ARHGAP45: variants seen among roughly 807,000 people sequenced by gnomAD.
ARHGAP45 encodes the protein Rho GTPase activating protein 45, also known as rho GTPase-activating protein 45.
In ARHGAP45, 56 loss-of-function variants were observed where a neutral mutation model predicts 116.1. That is an observed-to-expected ratio of 0.48 (90% CI 0.39 to 0.60). ARHGAP45 has a LOEUF of 0.60. Ranked by LOEUF, ARHGAP45 falls within the 20% of genes least tolerant of loss-of-function variation. The pLI is 0.00. For synonymous variants in ARHGAP45, 866 were observed against 701.7 expected (o/e 1.23, Z -3.70); for missense variants, 1,622 against 1,601.0 (o/e 1.01, Z -0.22).
At chr19:1,077,101 C>A (rs552288448) in intron 10 of ARHGAP45, 2 of 985,350 alleles carry the variant, frequency 2.0e-6, no homozygotes, top group South Asian at 9.4e-5. Context: ...GTGTGGCCCC[C>A]GAGCCCACAG....
In ARHGAP45 at chr19:1,074,683, G is replaced by A. The variant is rs1017764456; in HGVS notation, c.1063G>A (p.Val355Met). The change falls in exon 9 of 23, where the codon GTG (valine) becomes ATG (methionine). Residue 355 changes from valine (V) to methionine (M), a missense_variant. Coordinates refer to ENST00000313093, the MANE Select transcript of ARHGAP45 (RefSeq NM_012292.5). Reference sequence around the variant, plus strand: ...GGACCTGGAGTTCGGCCACAGCATGGTGCAGGCGGTGGGCACCTTGCAGAC... The same window carrying A: ...GGACCTGGAGTTCGGCCACAGCATGATGCAGGCGGTGGGCACCTTGCAGAC... ...EQDLEFGHSM[V>M]QAVGTLQTQT... 11 of 1,610,940 alleles carry A rather than the reference G, an allele frequency of 6.8e-6. No homozygotes were observed. In the African/African-American group the frequency reaches 1.1e-4, roughly 16 times the overall value.
At chr19:1,077,498 C>A in intron 10 of ARHGAP45, 1 of 995,844 alleles carries the variant, frequency 1.0e-6, no homozygotes, top group Non-Finnish European at 1.3e-6. Context: ...ATTCTAGTGC[C>A]TCAGCCTCCC....
rs778573750 is a variant in ARHGAP45, at chr19:1,068,745, G to C, written c.421+1G>C. 6.2e-7 allele frequency: 1 copy of C among 1,610,506 alleles called. No individual in the cohort carries two copies. The highest frequency in any genetic ancestry group is 1.1e-5 in the South Asian group (1 of 90,974). On this transcript the variant is annotated splice_donor_variant, in intron 2 of 22. Coordinates refer to ENST00000313093, the MANE Select transcript of ARHGAP45 (RefSeq NM_012292.5). LOFTEE classifies it high-confidence loss of function. The surrounding 1 kb of genome is among the most constrained non-coding windows in gnomAD (Gnocchi z 7.5). ...CTTAAGGAGTGTGTGTTGCGTGACG[G>C]TGAGAGCCACGGGGACACCGAGGCC...
Position 1,079,933 on chromosome 19 carries a change from G to C in ARHGAP45, c.1518G>C (p.Thr506=), listed in dbSNP as rs894894076. Residue 506 remains threonine (T), a synonymous_variant, in exon 13 of 23, where the codon ACG becomes ACC. Transcript: ENST00000313093. ...RQSDQTIKSA[T]ISYYQMMHMQ... is the part of the protein sequence containing the mutation. ...CTCTCCGGTGCCGCCCGCAGGCCAC[G>C]ATCTCCTACTACCAGATGATGCATA... 3 of 1,606,240 alleles carry C rather than the reference G, an allele frequency of 1.9e-6. No individual in the cohort carries two copies. Among genetic ancestry groups the C allele is most frequent in the East Asian group, 2.2e-5 (1 of 44,660 alleles).
At chr19:1,078,206 C>T (rs1253295769) in intron 11 of ARHGAP45, among the ~76,000 whole-genome samples, 161 bp downstream of exon 11, 1 of 149,918 alleles carries the variant, frequency 6.7e-6, no homozygotes, top group Admixed American at 6.6e-5. Context: ...TGCAGTGGCA[C>T]AGTCTCGGCT....
chr19:1,066,731 C>T, upstream of ARHGAP45: 1 of 154,926 alleles, frequency 6.5e-6, no homozygotes, highest in Non-Finnish European at 1.4e-5. Context: ...TCGACCTGAC[C>T]CACTTCACGG....
chr19:1,075,545 G>A (rs765616163), intron 10 of ARHGAP45, among the ~76,000 whole-genome samples: 8 of 151,986 alleles, frequency 5.3e-5, no homozygotes, highest in Non-Finnish European at 1.2e-4. Context: ...GCACCCACCC[G>A]GCCTCCTGCC....
Position 1,086,309 on chromosome 19 carries a change from G to A in ARHGAP45, c.*303G>A, listed in dbSNP as rs1415093199. ...GTGCCCACAGGGCTGTGTGGATGGA[G>A]GAAGCTGTCCCTGCCCAGTGCATCC... is the stretch of plus-strand genomic sequence containing the variant. On this transcript the variant is annotated 3_prime_UTR_variant, in exon 23 of 23. Transcript: ENST00000313093. 7 of 346,700 alleles carry A rather than the reference G, an allele frequency of 2.0e-5. No homozygotes were observed. In the East Asian group the frequency reaches 3.9e-4, roughly 19 times the overall value. The allele number at this position is 346,700 out of a possible 1,614,324, so 21.5% of individuals were successfully genotyped here. A position where few individuals can be genotyped will look rare whatever the true frequency, so the allele number is the denominator to read the frequency against.
rs1462718351 is a variant in ARHGAP45 at position 1,077,979 on chromosome 19, A to T, written c.1308A>T (p.Gly436=). The T allele has an allele frequency of 1.3e-6, 2 of 1,553,884 alleles. No homozygotes were observed. The change falls in exon 11 of 23, where the codon GGA becomes GGT. Residue 436 remains glycine (G), a synonymous_variant. Coordinates refer to ENST00000313093, the MANE Select transcript of ARHGAP45 (RefSeq NM_012292.5). ...AEEEQAGSAP[G]AGSTATKTLD... Reference sequence around the variant, plus strand: ...AGGAGCAGGCTGGCAGCGCGCCGGGAGCAGGCAGCACGGCCACCAAGACCC... The same window carrying T: ...AGGAGCAGGCTGGCAGCGCGCCGGGTGCAGGCAGCACGGCCACCAAGACCC...
intron 11 of ARHGAP45, 107 bp from the exon 12 acceptor site, chr19:1,079,595 TC>T: frequency 7.0e-7 from 1 of 1,420,470 alleles, no homozygotes; most frequent in South Asian, 1.3e-5. Context: ...CACTGTGGCC[TC>T]CCGAGGCGCT....
Position 1,069,539 on chromosome 19 carries a change from A to G in ARHGAP45, c.421+795A>G, listed in dbSNP as rs970645424. Reference sequence around the variant, plus strand: ...CTAGTGAGGCCCTGACCCCTGGCTCACCCAGCCAGGGCAGGGCAGAGCCAG... The same window carrying G: ...CTAGTGAGGCCCTGACCCCTGGCTCGCCCAGCCAGGGCAGGGCAGAGCCAG... On this transcript the variant is annotated intron_variant, in intron 2 of 22. Transcript: ENST00000313093. This position sits in a 1 kb window ranked among gnomAD's most constrained non-coding sequence, Gnocchi z 4.1. Among the ~76,000 whole-genome samples the G allele has an allele frequency of 2.8e-4, 42 of 152,270 alleles. No homozygotes were observed. Among genetic ancestry groups the G allele is most frequent in the South Asian group, 8.3e-4 (4 of 4,824 alleles).
In ARHGAP45 at chr19:1,077,899, G is replaced by A. The variant is rs1379261703; in HGVS notation, c.1228G>A (p.Val410Met). 1.7e-5 allele frequency: 27 copies of A among 1,554,568 alleles called. No homozygotes were observed. Among genetic ancestry groups the A allele is most frequent in the Admixed American group, 3.9e-5 (2 of 51,360 alleles). The change falls in exon 11 of 23, where the codon GTG (valine) becomes ATG (methionine). Residue 410 changes from valine (V) to methionine (M), a missense_variant. Val to Met is a conservative substitution (Grantham distance 21). Coordinates refer to ENST00000313093, the MANE Select transcript of ARHGAP45 (RefSeq NM_012292.5). ...CCTGCGCAAGGCCAAGCAGGGTTACGTGCAGCGCTGCGAGGACCACGACAA... is the reference window on the plus strand; with the variant it reads ...CCTGCGCAAGGCCAAGCAGGGTTACATGCAGCGCTGCGAGGACCACGACAA... The part of the protein sequence containing the change: ...SNLRKAKQGY[V>M]QRCEDHDKAR...
chr19:1,069,214 GGA>G lies in ARHGAP45; in HGVS notation c.421+477_421+478del, dbSNP rs981431580. Among the ~76,000 whole-genome samples the G allele has an allele frequency of 1.3e-5, 2 of 152,142 alleles. No homozygotes were observed. The highest frequency in any genetic ancestry group is 4.8e-5 in the African/African-American group (2 of 41,426). ...ACTGGGGGTTGGCTGAGGTCTGGGT[GGA>G]GAGAGATTCAGGAGGCATGGCGAGG... On this transcript the variant is annotated intron_variant, in intron 2 of 22. Transcript: ENST00000313093. This position sits in a 1 kb window ranked among gnomAD's most constrained non-coding sequence, Gnocchi z 4.1.
Position 1,083,210 on chromosome 19 carries a change from C to T in ARHGAP45, c.2812C>T (p.Leu938=), listed in dbSNP as rs2043496354. The T allele has an allele frequency of 1.9e-5, 31 of 1,610,854 alleles. No individual in the cohort carries two copies. Among genetic ancestry groups the T allele is most frequent in the Non-Finnish European group, 2.6e-5 (31 of 1,179,184 alleles). Residue 938 remains leucine (L), a synonymous_variant, in exon 21 of 23, where the codon CTG becomes TTG. Coordinates refer to ENST00000313093, the MANE Select transcript of ARHGAP45 (RefSeq NM_012292.5). ...CCTGGGCATCGTGTTCGGGCCCACG[C>T]TGCTTCGGCCACGGCCCACCGAGGC... is the stretch of plus-strand genomic sequence containing the variant. The part of the protein sequence containing the change: ...GNLGIVFGPT[L]LRPRPTEATV...
At chr19:1,067,762 G>C in intron 1 of ARHGAP45, 1 of 657,242 alleles carries the variant, frequency 1.5e-6, no homozygotes, top group Non-Finnish European at 2.8e-6. Flanking sequence ...AGGGTGCCGG[G>C]TTGGGACGAT....
Position 1,085,777 on chromosome 19 carries a change from A to C in ARHGAP45, c.3182A>C (p.Glu1061Ala). 6.2e-7 allele frequency: 1 copy of C among 1,612,790 alleles called. No individual in the cohort carries two copies. Among genetic ancestry groups the C allele is most frequent in the African/African-American group, 1.3e-5 (1 of 75,032 alleles). Reference protein sequence around the residue: ...HLSFLEQQQSEASLEVASGSH... With the variant: ...HLSFLEQQQSAASLEVASGSH... ...AGCTTCCTGGAGCAGCAGCAGAGCG[A>C]GGCCAGCCTAGAGGTGGCTTCTGGC... is the stretch of plus-strand genomic sequence containing the variant. The change falls in exon 23 of 23, where the codon GAG becomes GCG. Residue 1061 changes from glutamate (E) to alanine (A), a missense_variant. Around this residue, in one of 3 missense-constraint regions of ARHGAP45, gnomAD observed 1,334 missense variants for 1,263.8 expected, o/e 1.06. Coordinates refer to ENST00000313093, the MANE Select transcript of ARHGAP45 (RefSeq NM_012292.5).
At chr19:1,083,850 C>T (rs949934466) in intron 21 of ARHGAP45, among the ~76,000 whole-genome samples, 2 of 152,236 alleles carry the variant, frequency 1.3e-5, no homozygotes, top group African/African-American at 2.4e-5. Flanking sequence ...AAGCGATTCT[C>T]CTGCCTCAGT....
chr19:1,071,479 C>A lies in ARHGAP45; in HGVS notation c.422-1670C>A. 1 of 740,066 alleles carries A rather than the reference C, an allele frequency of 1.4e-6. No homozygotes were observed. Among genetic ancestry groups the A allele is most frequent in the Non-Finnish European group, 1.7e-6 (1 of 596,496 alleles). 45.8% of individuals were successfully genotyped at this position (740,066 alleles called of 1,614,324 possible). A position where few individuals can be genotyped will look rare whatever the true frequency, so the allele number is the denominator to read the frequency against. On this transcript the variant is annotated intron_variant, in intron 2 of 22. Transcript: ENST00000313093. This position sits in a 1 kb window ranked among gnomAD's most constrained non-coding sequence, Gnocchi z 4.6. ...CGCGCGCCTGGCCTGGCCGTGCGCA[C>A]CTGGGCATCCCTGCGCTGCGCAGGG...
At position 1,069,060 on chromosome 19, in the gene ARHGAP45, C is replaced by T. The variant is rs936630871; in HGVS notation, c.421+316C>T. Among the ~76,000 whole-genome samples the T allele has an allele frequency of 2.6e-5, 4 of 151,938 alleles. No homozygotes were observed. Among genetic ancestry groups the T allele is most frequent in the African/African-American group, 7.3e-5 (3 of 41,340 alleles). On this transcript the variant is annotated intron_variant, in intron 2 of 22. Coordinates refer to ENST00000313093, the MANE Select transcript of ARHGAP45 (RefSeq NM_012292.5). The surrounding 1 kb of genome is among the most constrained non-coding windows in gnomAD (Gnocchi z 4.1). Reference sequence around the variant, plus strand: ...CGGAAACAGAGAATGCATTTGGGGGCCAAGGTGTGGGGTGCCGCTGGTGTA... The same window carrying T: ...CGGAAACAGAGAATGCATTTGGGGGTCAAGGTGTGGGGTGCCGCTGGTGTA...
Sources: allele counts gnomAD v4.1 joint callset (sites outside exome capture counted in the v4.1 genomes callset), GRCh38; gene constraint gnomAD v4.1.1; regional missense constraint gnomAD v4.1.1; non-coding constraint Gnocchi (gnomAD v3.1); transcripts MANE v1.5; gene names NCBI Gene and HGNC (gene_info 2026-07-23, HGNC 2026-07-21).